The following TAFA2 variants were observed in gnomAD, a reference collection of about 807,000 sequenced individuals.
TAFA2 encodes chemokine-like protein TAFA-2.
Under a neutral mutation model 18.8 loss-of-function variants are expected in TAFA2, and 7 were observed. The observed-to-expected ratio is 0.37, with a 90% confidence interval of 0.21 to 0.70. TAFA2 has a LOEUF of 0.70. Ranked by LOEUF, TAFA2 falls within the 30% of genes least tolerant of loss-of-function variation. TAFA2 has a pLI of 0.53. For synonymous variants in TAFA2, 60 were observed against 54.2 expected (o/e 1.11, Z -0.47); for missense variants, 122 against 158.1 (o/e 0.77, Z 1.23).
intron 1 of TAFA2, among the ~76,000 whole-genome samples, chr12:62,238,233 T>G (rs2062846791): frequency 6.6e-6 from 1 of 152,164 alleles, no homozygotes; most frequent in African/African-American, 2.4e-5. Context: ...TTTCTCTTAT[T>G]GTCTTCTCAG....
intron 1 of TAFA2, among the ~76,000 whole-genome samples, chr12:62,172,322 A>G (rs1419612995): frequency 6.6e-6 from 1 of 152,156 alleles, no homozygotes; most frequent in Admixed American, 6.5e-5. Flanking sequence ...TGTCCCAAGG[A>G]TCATATAATC....
chr12:62,105,921 A>T (rs1176675538), intron 1 of TAFA2, among the ~76,000 whole-genome samples: 1 of 152,244 alleles, frequency 6.6e-6, no homozygotes, highest in African/African-American at 2.4e-5. Flanking sequence ...GATCACATGC[A>T]ACCGTTAGGA....
chr12:61,841,923 T>C (rs1873200819), intron 2 of TAFA2, among the ~76,000 whole-genome samples: 1 of 152,018 alleles, frequency 6.6e-6, no homozygotes, highest in African/African-American at 2.4e-5. Context: ...GTATTCAAAT[T>C]GGTCAAGAAA....
chr12:62,007,576 A>G (rs1359031751), intron 1 of TAFA2, among the ~76,000 whole-genome samples: 2 of 152,158 alleles, frequency 1.3e-5, no homozygotes, highest in Non-Finnish European at 1.5e-5. Context: ...TGGGAGAGTG[A>G]TCTAATGACT....
At chr12:61,862,323 T>C (rs1874163368) in intron 2 of TAFA2, among the ~76,000 whole-genome samples, 1 of 152,226 alleles carries the variant, frequency 6.6e-6, no homozygotes, top group Admixed American at 6.5e-5. Context: ...ATTGTAAGAA[T>C]TCAGGGCAGA....
chr12:61,811,599 T>C (rs1362965445), intron 2 of TAFA2, among the ~76,000 whole-genome samples: 2 of 151,398 alleles, frequency 1.3e-5, no homozygotes, highest in Non-Finnish European at 2.9e-5. Flanking sequence ...CCACTATATA[T>C]CTGTATATAG....
At chr12:61,916,478 T>C (rs1057099792) in intron 1 of TAFA2, among the ~76,000 whole-genome samples, 6 of 152,232 alleles carry the variant, frequency 3.9e-5, no homozygotes, top group Admixed American at 1.3e-4. Flanking sequence ...ATTGTTCTAT[T>C]GTTAATGTTT....
chr12:61,983,423 TTTTGG>T (rs1224747585), intron 1 of TAFA2, among the ~76,000 whole-genome samples: 2 of 150,998 alleles, frequency 1.3e-5, no homozygotes, highest in African/African-American at 4.9e-5. Context: ...TTTTGTTTTG[TTTTGG>T]GACAGAGTCT....
chr12:61,801,903 A>G (rs987518644), intron 2 of TAFA2, among the ~76,000 whole-genome samples: 21 of 152,232 alleles, frequency 1.4e-4, no homozygotes, highest in Middle Eastern at 3.4e-3. Context: ...GACCTCAAAC[A>G]ACTCTACAAC....
intron 1 of TAFA2, among the ~76,000 whole-genome samples, chr12:61,931,580 C>CA (rs1208011453): frequency 1.3e-5 from 2 of 152,082 alleles, no homozygotes; most frequent in East Asian, 3.8e-4. Flanking sequence ...CTATATAATA[C>CA]AAAAAATCCT....
chr12:62,118,888 A>G (rs1565750670), intron 1 of TAFA2, among the ~76,000 whole-genome samples: 2 of 152,172 alleles, frequency 1.3e-5, no homozygotes, highest in Non-Finnish European at 2.9e-5. Flanking sequence ...AGTTTGTGAC[A>G]GTACTTCTCA....
At chr12:61,822,772 T>C (rs559727306) in intron 2 of TAFA2, among the ~76,000 whole-genome samples, 4 of 152,320 alleles carry the variant, frequency 2.6e-5, no homozygotes, top group African/African-American at 9.6e-5. Context: ...GGTGCCAGCA[T>C]ACTGTCTAAT....
At chr12:62,183,999 C>T (rs991874396) in intron 1 of TAFA2, among the ~76,000 whole-genome samples, 2 of 152,132 alleles carry the variant, frequency 1.3e-5, no homozygotes, top group East Asian at 3.9e-4. Context: ...GATAAAGCAA[C>T]ATTACTAAAT....
intron 2 of TAFA2, among the ~76,000 whole-genome samples, chr12:61,756,829 C>A (rs1869296511): frequency 6.6e-6 from 1 of 151,980 alleles, no homozygotes; most frequent in African/African-American, 2.4e-5. Context: ...AGAAGGAAGT[C>A]TCTAATATGA....
chr12:61,871,774 G>T (rs944791682), intron 1 of TAFA2, among the ~76,000 whole-genome samples: 36 of 152,058 alleles, frequency 2.4e-4, no homozygotes, highest in African/African-American at 8.7e-4. Flanking sequence ...TATTTGAAAC[G>T]CTTCTCATCC....
intron 1 of TAFA2, among the ~76,000 whole-genome samples, chr12:62,149,575 T>C (rs1428582256): frequency 6.8e-6 from 1 of 147,906 alleles, no homozygotes; most frequent in African/African-American, 2.5e-5. Context: ...TCTATTTATA[T>C]ATATATACAC....
chr12:61,804,856 C>T (rs1871544488), intron 2 of TAFA2, among the ~76,000 whole-genome samples: 1 of 151,982 alleles, frequency 6.6e-6, no homozygotes, highest in African/African-American at 2.4e-5. Context: ...ATACACACCT[C>T]ATAATCAAGA....
chr12:62,170,485 T>C (rs993063563), intron 1 of TAFA2, among the ~76,000 whole-genome samples: 1 of 152,244 alleles, frequency 6.6e-6, no homozygotes, highest in Non-Finnish European at 1.5e-5. Context: ...TAGATCACTC[T>C]GCTTTGATGC....
intron 1 of TAFA2, among the ~76,000 whole-genome samples, chr12:61,915,176 TAAAAG>T (rs1052392127): frequency 1.3e-5 from 2 of 152,096 alleles, no homozygotes; most frequent in African/African-American, 4.8e-5. Context: ...AAAAATTAAA[TAAAAG>T]GAAAGAAAGT....
Sources: gnomAD v4.1 joint callset for allele counts (sites outside exome capture counted in the v4.1 genomes callset) on GRCh38, gnomAD v4.1.1 for gene constraint, MANE v1.5 for transcripts, NCBI Gene and HGNC (gene_info 2026-07-23, HGNC 2026-07-21) for gene names.